SEC63: variants seen among roughly 807,000 people sequenced by gnomAD.
The protein encoded by SEC63 is SEC63 protein translocation regulator.
Under a neutral mutation model 116.2 loss-of-function variants are expected in SEC63, and 56 were observed. That is an observed-to-expected ratio of 0.48 (90% CI 0.39 to 0.60). The LOEUF (loss-of-function observed/expected upper bound fraction) is 0.60, where lower values mean the gene tolerates loss of function less well. SEC63 is among the 20% of genes least tolerant of loss of function. The pLI is 0.00. For missense variants in SEC63, 668 were observed against 900.0 expected (o/e 0.74, Z 3.30); for synonymous variants, 273 against 294.6 (o/e 0.93, Z 0.75).
At chr6:107,903,359 C>G (rs1311663712) in intron 11 of SEC63, among the ~76,000 whole-genome samples, 3 of 151,954 alleles carry the variant, frequency 2.0e-5, no homozygotes, top group East Asian at 3.9e-4. Context: ...CTTTCCATTA[C>G]TGACCAGAAA....
intron 2 of SEC63, among the ~76,000 whole-genome samples, chr6:107,928,505 A>G (rs1261977302): frequency 6.6e-6 from 1 of 152,028 alleles, no homozygotes; most frequent in Non-Finnish European, 1.5e-5. Flanking sequence ...AAAAAAAAGA[A>G]AAGAAAAATA....
intron 18 of SEC63, chr6:107,876,868 T>G (rs543764368): frequency 1.9e-6 from 1 of 534,304 alleles, no homozygotes; most frequent in East Asian, 3.2e-5. Context: ...GCATTTTGTA[T>G]GCAATTTTGG....
At chr6:107,934,442 C>T (rs1190007777) in intron 1 of SEC63, among the ~76,000 whole-genome samples, 7 of 150,150 alleles carry the variant, frequency 4.7e-5, no homozygotes, top group Non-Finnish European at 7.4e-5. Flanking sequence ...AGTGCCCGGC[C>T]GCGACCCCGT....
chr6:107,934,686 T>A (rs1222123988), intron 1 of SEC63, among the ~76,000 whole-genome samples: 2 of 56,260 alleles, frequency 3.6e-5, no homozygotes, highest in African/African-American at 1.6e-4. Context: ...GTCAGCCCCC[T>A]GCCCGGCCAG....
intron 4 of SEC63, among the ~76,000 whole-genome samples, chr6:107,919,282 G>A (rs971735187): frequency 6.6e-6 from 1 of 152,172 alleles, no homozygotes; most frequent in Non-Finnish European, 1.5e-5. Flanking sequence ...CACTACAGAT[G>A]TGCTAGAAAT....
intron 13 of SEC63, among the ~76,000 whole-genome samples, chr6:107,899,048 A>C (rs1053675929): frequency 6.6e-6 from 1 of 152,162 alleles, no homozygotes; most frequent in Non-Finnish European, 1.5e-5. Flanking sequence ...TTCATTTTGC[A>C]CAGCTGTATG....
At chr6:107,884,067 T>G (rs918901024) in intron 16 of SEC63, among the ~76,000 whole-genome samples, 2 of 150,818 alleles carry the variant, frequency 1.3e-5, no homozygotes, top group African/African-American at 4.9e-5. Context: ...CTGACCAACA[T>G]GGTGAAACCC....
intron 4 of SEC63, among the ~76,000 whole-genome samples, chr6:107,916,190 C>T (rs951195263): frequency 6.6e-6 from 1 of 152,138 alleles, no homozygotes; most frequent in African/African-American, 2.4e-5. Flanking sequence ...ACCTGACTTC[C>T]TCTGGAAATG....
At chr6:107,926,259 TTAA>T (rs1197230603) in intron 2 of SEC63, among the ~76,000 whole-genome samples, 36 of 152,242 alleles carry the variant, frequency 2.4e-4, no homozygotes, top group Admixed American at 6.5e-4. Flanking sequence ...AGTAATTATC[TTAA>T]TAATAACTAG....
intron 7 of SEC63, among the ~76,000 whole-genome samples, chr6:107,909,918 C>T (rs1180292025): frequency 6.6e-6 from 1 of 152,090 alleles, no homozygotes; most frequent in African/African-American, 2.4e-5. Context: ...TATGGTATCT[C>T]CGTATTATAG....
intron 4 of SEC63, among the ~76,000 whole-genome samples, chr6:107,918,161 T>A (rs1232102795): frequency 6.6e-6 from 1 of 151,732 alleles, no homozygotes; most frequent in Non-Finnish European, 1.5e-5. Context: ...CCATGCTCTA[T>A]AAATAGAACA....
chr6:107,939,503 G>A (rs1415136365), intron 1 of SEC63, among the ~76,000 whole-genome samples: 2 of 152,136 alleles, frequency 1.3e-5, no homozygotes, highest in Non-Finnish European at 1.5e-5. Flanking sequence ...TGTAATCCCA[G>A]CACTTTGGGA....
chr6:107,930,953 C>T (rs1787792754), intron 1 of SEC63, among the ~76,000 whole-genome samples: 3 of 152,152 alleles, frequency 2.0e-5, no homozygotes, highest in Admixed American at 2.0e-4. Flanking sequence ...TGAGATCCCT[C>T]CAGCCTGGGC....
At chr6:107,948,382 C>G (rs1770518154) in intron 1 of SEC63, among the ~76,000 whole-genome samples, 1 of 152,186 alleles carries the variant, frequency 6.6e-6, no homozygotes, top group Non-Finnish European at 1.5e-5. Context: ...ACGCAGTTTT[C>G]TCATGAATAA....
At chr6:107,908,875 A>G (rs181825979) in intron 8 of SEC63, 52 bp downstream of exon 8, 2 of 1,006,778 alleles carry the variant, frequency 2.0e-6, no homozygotes, top group African/African-American at 1.6e-5. Flanking sequence ...TCAACCCCAC[A>G]TAAGTCACAA....
intron 17 of SEC63, 92 bp downstream of exon 17, chr6:107,882,892 GAGCA>G: frequency 1.2e-6 from 1 of 801,096 alleles, no homozygotes; most frequent in Non-Finnish European, 2.1e-6. Flanking sequence ...GAAAGCAAGC[GAGCA>G]AGCAAACAAA....
intron 12 of SEC63, among the ~76,000 whole-genome samples, chr6:107,901,807 T>C (rs528622001): frequency 5.0e-4 from 76 of 152,200 alleles, no homozygotes; most frequent in Middle Eastern, 6.8e-3. Flanking sequence ...ACCAAGAACT[T>C]TGTCAATTGA....
chr6:107,956,294 T>C (rs372014159), intron 1 of SEC63, among the ~76,000 whole-genome samples: 4 of 152,176 alleles, frequency 2.6e-5, no homozygotes, highest in African/African-American at 9.7e-5. Flanking sequence ...CACTACCAAT[T>C]GCACACATAA....
At chr6:107,940,542 TG>T (rs1039772265) in intron 1 of SEC63, among the ~76,000 whole-genome samples, 1 of 151,882 alleles carries the variant, frequency 6.6e-6, no homozygotes, top group Non-Finnish European at 1.5e-5. Context: ...AGCTCCCCAG[TG>T]GAGACCAAAA....
Sources: gnomAD v4.1 joint callset for allele counts (sites outside exome capture counted in the v4.1 genomes callset) on GRCh38, gnomAD v4.1.1 for gene constraint, MANE v1.5 for transcripts, NCBI Gene and HGNC (gene_info 2026-07-23, HGNC 2026-07-21) for gene names.